RBMS3: variants seen among roughly 807,000 people sequenced by gnomAD.
RBMS3 encodes the protein RNA binding motif single stranded interacting protein 3.
Under a neutral mutation model 66.8 loss-of-function variants are expected in RBMS3, and 27 were observed. The ratio of observed to expected loss-of-function variants is 0.40; its 90% confidence interval spans 0.30 to 0.56. The LOEUF is 0.56. Ranked by LOEUF, RBMS3 falls within the 20% of genes least tolerant of loss-of-function variation. The probability of loss-of-function intolerance (pLI) is 0.40; values close to 1 mark genes in which losing one functional copy is unlikely to be tolerated. For synonymous variants in RBMS3, 188 were observed against 183.0 expected, an observed-to-expected ratio of 1.03 and a Z score of -0.22; for missense variants, 513 against 549.5, an observed-to-expected ratio of 0.93 and a Z score of 0.66.
chr3:29,415,107 C>T (rs1220385592), intron 1 of RBMS3, among the ~76,000 whole-genome samples: 1 of 152,174 alleles, frequency 6.6e-6, no homozygotes, highest in African/African-American at 2.4e-5. Context: ...ATATAACGCA[C>T]ATTTTTTAAA....
intron 4 of RBMS3, among the ~76,000 whole-genome samples, chr3:29,640,309 A>C (rs2049653096): frequency 6.6e-6 from 1 of 151,424 alleles, no homozygotes; most frequent in South Asian, 2.1e-4. Flanking sequence ...AAAGACGGAA[A>C]GAAAACAGCA....
intron 6 of RBMS3, among the ~76,000 whole-genome samples, chr3:29,797,325 C>A (rs1344190838): frequency 6.6e-6 from 1 of 152,172 alleles, no homozygotes; most frequent in Non-Finnish European, 1.5e-5. Flanking sequence ...ACTCTGCTAG[C>A]TTCCAACTTT....
At chr3:29,763,957 T>C (rs2055810610) in intron 6 of RBMS3, among the ~76,000 whole-genome samples, 1 of 152,100 alleles carries the variant, frequency 6.6e-6, no homozygotes, top group African/African-American at 2.4e-5. Flanking sequence ...AAGCTTGATT[T>C]CAATACCGTT....
chr3:29,880,367 T>A (rs2059707749), intron 7 of RBMS3, among the ~76,000 whole-genome samples: 1 of 152,312 alleles, frequency 6.6e-6, no homozygotes, highest in South Asian at 2.1e-4. Flanking sequence ...TCTACATACA[T>A]GGTGTGACAT....
At chr3:29,606,957 C>T (rs1559505108) in intron 4 of RBMS3, among the ~76,000 whole-genome samples, 1 of 151,834 alleles carries the variant, frequency 6.6e-6, no homozygotes, top group East Asian at 1.9e-4. Context: ...AAACAACAGG[C>T]AAACTATGCC....
At chr3:29,641,506 A>T (rs2049711416) in intron 4 of RBMS3, among the ~76,000 whole-genome samples, 1 of 152,092 alleles carries the variant, frequency 6.6e-6, no homozygotes, top group Admixed American at 6.6e-5. Flanking sequence ...ATGTACTGCT[A>T]AATTGCCTTC....
At chr3:29,431,180 A>C (rs565980878) in intron 1 of RBMS3, among the ~76,000 whole-genome samples, 55 of 152,320 alleles carry the variant, frequency 3.6e-4, no homozygotes, top group African/African-American at 1.2e-3. Flanking sequence ...CAGGAAAAGA[A>C]GGTTTTATCC....
At chr3:29,451,261 A>T (rs2042009668) in intron 2 of RBMS3, among the ~76,000 whole-genome samples, 1 of 152,190 alleles carries the variant, frequency 6.6e-6, no homozygotes, top group Non-Finnish European at 1.5e-5. Flanking sequence ...AAATTATAGG[A>T]TGAAACTTTT....
At chr3:29,528,609 A>T (rs2045229574) in intron 3 of RBMS3, among the ~76,000 whole-genome samples, 1 of 152,226 alleles carries the variant, frequency 6.6e-6, no homozygotes, top group Non-Finnish European at 1.5e-5. Context: ...TGTAATTTCT[A>T]CAGCATTTTA....
At chr3:29,569,298 A>G (rs1198274455) in intron 3 of RBMS3, among the ~76,000 whole-genome samples, 1 of 152,132 alleles carries the variant, frequency 6.6e-6, no homozygotes, top group East Asian at 1.9e-4. Flanking sequence ...GATACTGCCT[A>G]GAGGAGAGAT....
At chr3:29,464,589 C>A (rs1361367787) in intron 2 of RBMS3, among the ~76,000 whole-genome samples, 1 of 152,104 alleles carries the variant, frequency 6.6e-6, no homozygotes. Context: ...TAAAAAATTT[C>A]TGTGGCATTT....
intron 14 of RBMS3, among the ~76,000 whole-genome samples, chr3:29,997,051 A>C (rs1040378159): frequency 4.0e-5 from 6 of 151,808 alleles, no homozygotes; most frequent in African/African-American, 1.5e-4. Flanking sequence ...AGAGAGAAGA[A>C]TCAAATAGAC....
chr3:29,370,655 G>T (rs904579378), intron 1 of RBMS3, among the ~76,000 whole-genome samples: 43 of 152,250 alleles, frequency 2.8e-4, no homozygotes, highest in African/African-American at 9.1e-4. Flanking sequence ...AATCAACAAG[G>T]TTGCCTGGAC....
At chr3:29,498,082 C>G (rs1326094754) in intron 3 of RBMS3, among the ~76,000 whole-genome samples, 3 of 142,868 alleles carry the variant, frequency 2.1e-5, no homozygotes, top group African/African-American at 8.0e-5. Flanking sequence ...GCAACCTCCG[C>G]CTCCCGGGTT....
chr3:29,444,400 C>T (rs1206555020), intron 2 of RBMS3, among the ~76,000 whole-genome samples: 1 of 151,988 alleles, frequency 6.6e-6, no homozygotes. Context: ...ATCTCTTAAC[C>T]ATGATCCATA....
chr3:29,788,312 G>C (rs59704363), intron 6 of RBMS3, among the ~76,000 whole-genome samples: 16,343 of 151,194 alleles, frequency 0.11, 1,027 homozygotes, highest in African/African-American at 0.16. Flanking sequence ...TGCAACCTCC[G>C]CCTCCCTGGT....
At position 29,619,021 on chromosome 3, in the gene RBMS3, A is replaced by G. The variant is rs116375639; in HGVS notation, c.399+31816A>G. Among the ~76,000 whole-genome samples, 553 of 152,282 alleles carry G rather than the reference A, an allele frequency of 3.6e-3. 3 individuals carry two copies. The highest frequency in any genetic ancestry group is 0.013 in the African/African-American group (529 of 41,556). On this transcript the variant is annotated intron_variant, in intron 4 of 14. Coordinates refer to ENST00000383767, the MANE Select transcript of RBMS3 (RefSeq NM_001003793.3). ...GTGTGAGAGAGTATGTGAGAAGGAA[A>G]ATGCACATGTGGATAAAATGTTTTC...
At chr3:29,371,154 T>C (rs887882067) in intron 1 of RBMS3, among the ~76,000 whole-genome samples, 3 of 152,240 alleles carry the variant, frequency 2.0e-5, no homozygotes, top group African/African-American at 7.2e-5. Context: ...GGGAAGTGTC[T>C]TCTCTGACAA....
chr3:29,828,577 A>G (rs1489335306), intron 6 of RBMS3, among the ~76,000 whole-genome samples: 1 of 152,194 alleles, frequency 6.6e-6, no homozygotes, highest in African/African-American at 2.4e-5. Flanking sequence ...TGTTCTCAAC[A>G]TTACCTAGTT....
Sources: gnomAD v4.1 joint callset for allele counts (sites outside exome capture counted in the v4.1 genomes callset) on GRCh38, gnomAD v4.1.1 for gene constraint, MANE v1.5 for transcripts, NCBI Gene and HGNC (gene_info 2026-07-23, HGNC 2026-07-21) for gene names.